The following GRM7 variants were observed in gnomAD, a reference collection of about 807,000 sequenced individuals.
GRM7 encodes glutamate metabotropic receptor 7, also known as metabotropic glutamate receptor 7.
Under a neutral mutation model 84.5 loss-of-function variants are expected in GRM7, and 35 were observed. That is an observed-to-expected ratio of 0.41 (90% CI 0.32 to 0.55). GRM7 has a LOEUF of 0.55. Among genes scored for constraint, GRM7 ranks in the 20% least tolerant of loss-of-function variants. The probability of loss-of-function intolerance (pLI) is 0.19; values close to 1 mark genes in which losing one functional copy is unlikely to be tolerated. For missense variants in GRM7, 1,003 were observed against 1,194.6 expected (o/e 0.84, Z 2.36); for synonymous variants, 487 against 455.1 (o/e 1.07, Z -0.89).
intron 5 of GRM7, among the ~76,000 whole-genome samples, chr3:7,436,420 T>C (rs995538515): frequency 2.6e-5 from 4 of 152,182 alleles, no homozygotes; most frequent in African/African-American, 9.7e-5. Context: ...TTTTTAACCA[T>C]ATTGTTTAAA....
At chr3:7,315,843 G>A (rs904876202) in intron 4 of GRM7, among the ~76,000 whole-genome samples, 3 of 152,074 alleles carry the variant, frequency 2.0e-5, no homozygotes, top group Non-Finnish European at 4.4e-5. Flanking sequence ...GTTTCTACTT[G>A]CTTTTCAATA....
chr3:7,715,952 C>T (rs760682155), intron 9 of GRM7, among the ~76,000 whole-genome samples: 1 of 152,116 alleles, frequency 6.6e-6, no homozygotes, highest in Non-Finnish European at 1.5e-5. Context: ...ATTCAGCAGC[C>T]CTTCCCTAAC....
intron 2 of GRM7, among the ~76,000 whole-genome samples, chr3:7,178,804 C>A (rs549306454): frequency 6.6e-6 from 1 of 151,754 alleles, no homozygotes; most frequent in Non-Finnish European, 1.5e-5. Flanking sequence ...TGTTAGGCTG[C>A]GCACCATGGC....
intron 1 of GRM7, among the ~76,000 whole-genome samples, chr3:6,980,134 C>T (rs1258682884): frequency 3.9e-5 from 6 of 152,008 alleles, no homozygotes; most frequent in Non-Finnish European, 7.4e-5. Flanking sequence ...TTTCTGCCTT[C>T]CATTCTTTCA....
At chr3:7,651,560 A>ATACATCTCAT (rs1378259529) in intron 8 of GRM7, among the ~76,000 whole-genome samples, 1 of 152,206 alleles carries the variant, frequency 6.6e-6, no homozygotes, top group East Asian at 1.9e-4. Flanking sequence ...AGCTATTTAC[A>ATACATCTCAT]TACATCTCAT....
At chr3:7,271,553 C>T (rs941202189) in intron 2 of GRM7, among the ~76,000 whole-genome samples, 8 of 121,686 alleles carry the variant, frequency 6.6e-5, no homozygotes, top group East Asian at 2.4e-4. Context: ...AGTGAGAGAC[C>T]GCCTCAAATA....
intron 1 of GRM7, among the ~76,000 whole-genome samples, chr3:6,922,454 C>T (rs78765124): frequency 0.02 from 3,108 of 152,266 alleles, 109 homozygotes; most frequent in East Asian, 0.16. Flanking sequence ...TGTTATATTT[C>T]CCTAAGTCCT....
chr3:7,078,813 C>A (rs537463265), intron 1 of GRM7, among the ~76,000 whole-genome samples: 1 of 150,220 alleles, frequency 6.7e-6, no homozygotes, highest in East Asian at 1.9e-4. Context: ...AGGCTTCTCT[C>A]CTATTGGCAT....
chr3:7,526,311 T>C (rs938172395), intron 7 of GRM7, among the ~76,000 whole-genome samples: 7 of 152,030 alleles, frequency 4.6e-5, no homozygotes, highest in Non-Finnish European at 7.4e-5. Flanking sequence ...AGCTTTTTTT[T>C]CCCCTGTACT....
intron 9 of GRM7, among the ~76,000 whole-genome samples, chr3:7,732,346 A>G (rs1702361006): frequency 6.6e-6 from 1 of 152,214 alleles, no homozygotes; most frequent in Non-Finnish European, 1.5e-5. Context: ...TGATACTTAA[A>G]GTTCTAATGT....
intron 2 of GRM7, among the ~76,000 whole-genome samples, chr3:7,244,545 A>G (rs1458726221): frequency 6.6e-6 from 1 of 152,092 alleles, no homozygotes; most frequent in African/African-American, 2.4e-5. Context: ...CCACCAAGTT[A>G]GAAGGATTTG....
At chr3:7,259,616 A>T (rs1245476711) in intron 2 of GRM7, among the ~76,000 whole-genome samples, 1 of 152,198 alleles carries the variant, frequency 6.6e-6, no homozygotes, top group Non-Finnish European at 1.5e-5. Flanking sequence ...AAAGGACATG[A>T]TCTCATTCTT....
At chr3:7,713,909 G>A (rs144905818) in intron 9 of GRM7, among the ~76,000 whole-genome samples, 93 of 150,254 alleles carry the variant, frequency 6.2e-4, no homozygotes, top group Non-Finnish European at 1.0e-3. Flanking sequence ...AGTAGCTGAT[G>A]GGAACAAAAA....
chr3:7,408,162 C>T (rs142269529), intron 4 of GRM7, among the ~76,000 whole-genome samples: 220 of 152,194 alleles, frequency 1.4e-3, no homozygotes, highest in African/African-American at 4.8e-3. Flanking sequence ...TGCTTTTAGC[C>T]GTTAAACTAT....
intron 1 of GRM7, among the ~76,000 whole-genome samples, chr3:7,055,418 A>G (rs1038106644): frequency 2.6e-5 from 4 of 151,422 alleles, no homozygotes; most frequent in Non-Finnish European, 4.4e-5. Context: ...CAGGCTAACG[A>G]TTTCCTCTCT....
chr3:7,502,870 C>G (rs893049494), intron 7 of GRM7, among the ~76,000 whole-genome samples: 3 of 152,112 alleles, frequency 2.0e-5, no homozygotes, highest in African/African-American at 7.2e-5. Context: ...TAACGCAACC[C>G]TGAAGAGTGA....
intron 1 of GRM7, among the ~76,000 whole-genome samples, chr3:6,880,552 C>T (rs1044747196): frequency 1.3e-5 from 2 of 152,060 alleles, no homozygotes; most frequent in African/African-American, 4.8e-5. Context: ...CATTTAGGGA[C>T]CAAAAGCCCC....
intron 7 of GRM7, among the ~76,000 whole-genome samples, chr3:7,538,994 C>G (rs59110739): frequency 0.11 from 16,042 of 152,106 alleles, 947 homozygotes; most frequent in South Asian, 0.13. Flanking sequence ...CTCAGCAGCC[C>G]CACACCAAAA....
intron 2 of GRM7, among the ~76,000 whole-genome samples, chr3:7,240,602 C>T (rs1697522670): frequency 6.6e-6 from 1 of 152,028 alleles, no homozygotes; most frequent in South Asian, 2.1e-4. Flanking sequence ...ATATTCATCT[C>T]CCATTTTTAA....
Sources: allele counts gnomAD v4.1 joint callset (sites outside exome capture counted in the v4.1 genomes callset), GRCh38; gene constraint gnomAD v4.1.1; transcripts MANE v1.5; gene names NCBI Gene and HGNC (gene_info 2026-07-23, HGNC 2026-07-21).